The following LHFPL6 variants were observed in gnomAD, a reference collection of about 807,000 sequenced individuals.
LHFPL6 encodes LHFPL tetraspan subfamily member 6 protein.
Under a neutral mutation model 20.6 loss-of-function variants are expected in LHFPL6, and 9 were observed. The observed-to-expected ratio is 0.44, with a 90% confidence interval of 0.26 to 0.76. LHFPL6 has a LOEUF of 0.76. Ranked by LOEUF, LHFPL6 falls within the 30% of genes least tolerant of loss-of-function variation. The pLI, the probability that LHFPL6 is intolerant of heterozygous loss-of-function variation, is 0.20. For synonymous variants in LHFPL6, 105 were observed against 98.7 expected (o/e 1.06, Z -0.38); for missense variants, 218 against 253.5 (o/e 0.86, Z 0.95).
At chr13:39,473,263 G>A (rs1481348604) in intron 2 of LHFPL6, among the ~76,000 whole-genome samples, 1 of 150,984 alleles carries the variant, frequency 6.6e-6, no homozygotes, top group Non-Finnish European at 1.5e-5. Flanking sequence ...CTTTGAACAG[G>A]TGTGCTTTAA....
intron 3 of LHFPL6, among the ~76,000 whole-genome samples, chr13:39,346,591 T>C (rs923754955): frequency 2.0e-5 from 3 of 152,146 alleles, no homozygotes; most frequent in African/African-American, 7.2e-5. Flanking sequence ...CTCTCCCCTA[T>C]ATCTATCCTG....
chr13:39,439,117 C>T (rs965749870), intron 2 of LHFPL6, among the ~76,000 whole-genome samples: 1 of 152,202 alleles, frequency 6.6e-6, no homozygotes, highest in Non-Finnish European at 1.5e-5. Context: ...TTGAGAGCAG[C>T]CAAGGGGGCT....
At chr13:39,358,350 G>A (rs191390399) in intron 3 of LHFPL6, among the ~76,000 whole-genome samples, 2 of 152,194 alleles carry the variant, frequency 1.3e-5, no homozygotes, top group Admixed American at 1.3e-4. Flanking sequence ...CATATGCAGA[G>A]GAATAAAAGT....
chr13:39,344,171 C>T (rs370772628), intron 3 of LHFPL6, 117 bp from the exon 4 acceptor site: 46 of 693,806 alleles, frequency 6.6e-5, no homozygotes, highest in East Asian at 3.2e-4. Context: ...ATGGTATCCT[C>T]GCTTAAATGG....
chr13:39,443,006 C>T (rs765264877), intron 2 of LHFPL6, among the ~76,000 whole-genome samples: 1 of 152,084 alleles, frequency 6.6e-6, no homozygotes, highest in Non-Finnish European at 1.5e-5. Context: ...CCTGCTGTGG[C>T]TTCAATGCAT....
rs971947889 is a variant in LHFPL6, at chr13:39,343,966, C to G, written c.573G>C (p.Ser191=). The change falls in exon 4 of 4, where the codon TCG becomes TCC. Residue 191 remains serine (S), a synonymous_variant. Coordinates refer to ENST00000379589, the MANE Select transcript of LHFPL6 (RefSeq NM_005780.3). The part of the protein sequence containing the change: ...MLLCTWLACF[S]GKKQKHYPY ...ATGGGTAGTGCTTCTGTTTCTTGCC[C>G]GAAAAGCAAGCCAGCCACGTGCACA... 1 of 1,613,614 alleles carries G rather than the reference C, an allele frequency of 6.2e-7. No homozygotes were observed. The highest frequency in any genetic ancestry group is 1.7e-5 in the Admixed American group (1 of 59,966).
At chr13:39,534,448 T>C (rs918211075) in intron 2 of LHFPL6, among the ~76,000 whole-genome samples, 2 of 152,224 alleles carry the variant, frequency 1.3e-5, no homozygotes, top group East Asian at 3.8e-4. Flanking sequence ...AAGAAGGCAA[T>C]TACTGGGCTT....
At chr13:39,419,346 C>T (rs1443108024) in intron 2 of LHFPL6, among the ~76,000 whole-genome samples, 1 of 152,202 alleles carries the variant, frequency 6.6e-6, no homozygotes, top group Non-Finnish European at 1.5e-5. Flanking sequence ...GATCACAGTG[C>T]TCTAAAGTTA....
At chr13:39,381,090 G>A (rs185687161) in intron 2 of LHFPL6, among the ~76,000 whole-genome samples, 21 of 152,294 alleles carry the variant, frequency 1.4e-4, no homozygotes, top group East Asian at 3.9e-4. Flanking sequence ...CACTCAGTCC[G>A]TGGAAAAATT....
At chr13:39,426,221 T>TC (rs1871632564) in intron 2 of LHFPL6, among the ~76,000 whole-genome samples, 1 of 140,308 alleles carries the variant, frequency 7.1e-6, no homozygotes, top group African/African-American at 3.0e-5. Context: ...TTTTTTTCTT[T>TC]TTCTTTTTTT....
Position 39,410,987 on chromosome 13 carries a change from T to C in LHFPL6, c.386-32461A>G, listed in dbSNP as rs544345837. Among the ~76,000 whole-genome samples, 10 of 152,350 alleles carry C rather than the reference T, an allele frequency of 6.6e-5. No homozygotes were observed. In the East Asian group the frequency reaches 1.5e-3, roughly 23 times the overall value. ...TGTATTATAAATAAGCGGTTTATTA[T>C]AGGGGAGCCTTCCTTAGTGACAATC... On this transcript the variant is annotated intron_variant, in intron 2 of 3. Coordinates refer to ENST00000379589, the MANE Select transcript of LHFPL6 (RefSeq NM_005780.3).
In LHFPL6 at chr13:39,440,548, C is replaced by T. The variant is rs143186737; in HGVS notation, c.386-62022G>A. ...GCACTTTCTTTGACTTTATAATCTCCAGTTACATAGATAGGCCCTTTCTTG... is the reference window on the plus strand; with the variant it reads ...GCACTTTCTTTGACTTTATAATCTCTAGTTACATAGATAGGCCCTTTCTTG... On this transcript the variant is annotated intron_variant, in intron 2 of 3. Transcript: ENST00000379589. Among the ~76,000 whole-genome samples, 27 of 152,250 alleles carry T rather than the reference C, an allele frequency of 1.8e-4. No individual in the cohort carries two copies. In the East Asian group the frequency reaches 4.8e-3, roughly 27 times the overall value.
At chr13:39,423,660 A>C (rs1871554780) in intron 2 of LHFPL6, among the ~76,000 whole-genome samples, 1 of 152,176 alleles carries the variant, frequency 6.6e-6, no homozygotes, top group Non-Finnish European at 1.5e-5. Context: ...AGGTGAGGAA[A>C]AGTGATCCCA....
At chr13:39,595,153 T>A (rs959691619) in intron 2 of LHFPL6, among the ~76,000 whole-genome samples, 1 of 152,100 alleles carries the variant, frequency 6.6e-6, no homozygotes, top group Non-Finnish European at 1.5e-5. Flanking sequence ...ATAAAAACAT[T>A]ATTAGATACA....
chr13:39,369,901 T>G (rs1052914588), intron 3 of LHFPL6, among the ~76,000 whole-genome samples: 1 of 152,074 alleles, frequency 6.6e-6, no homozygotes, highest in Non-Finnish European at 1.5e-5. Context: ...TCAAATTGAA[T>G]CTATGATTGT....
chr13:39,457,575 C>A (rs768768351), intron 2 of LHFPL6, among the ~76,000 whole-genome samples: 12 of 152,154 alleles, frequency 7.9e-5, no homozygotes, highest in Admixed American at 2.6e-4. Context: ...ATAGCAATTT[C>A]TTACAATATT....
At chr13:39,473,555 A>G (rs1247576818) in intron 2 of LHFPL6, among the ~76,000 whole-genome samples, 1 of 151,968 alleles carries the variant, frequency 6.6e-6, no homozygotes, top group Non-Finnish European at 1.5e-5. Flanking sequence ...TCCAATATAA[A>G]TGTGTCCAAT....
chr13:39,600,924 A>T lies in LHFPL6; in HGVS notation c.293T>A (p.Leu98Gln). Residue 98 changes from leucine (L) to glutamine (Q), a missense_variant, in exon 2 of 4, where the codon CTG becomes CAG. Physicochemically the swap from Leu to Gln is moderately radical, Grantham distance 113. Transcript: ENST00000379589. ...ACCCATGAGGGCAGTGAGCGCCACC[A>T]GGAGGAGGAGGCCACAACCCAGGCC... The part of the protein sequence containing the change: ...VTGLGCGLLL[L>Q]VALTALMGCC... 1 of 1,596,834 alleles carries T rather than the reference A, an allele frequency of 6.3e-7. No individual in the cohort carries two copies. Among genetic ancestry groups the T allele is most frequent in the Non-Finnish European group, 8.6e-7 (1 of 1,169,288 alleles).
intron 2 of LHFPL6, among the ~76,000 whole-genome samples, chr13:39,523,215 A>G (rs1411573460): frequency 2.0e-5 from 3 of 152,126 alleles, no homozygotes; most frequent in African/African-American, 4.8e-5. Flanking sequence ...TATTATCCCT[A>G]TTATGGAGGG....
Sources: allele counts gnomAD v4.1 joint callset (sites outside exome capture counted in the v4.1 genomes callset), GRCh38; gene constraint gnomAD v4.1.1; transcripts MANE v1.5; gene names NCBI Gene and HGNC (gene_info 2026-07-23, HGNC 2026-07-21).